The following ZRANB1 variants were observed in gnomAD, a reference collection of about 807,000 sequenced individuals.
ZRANB1 encodes ubiquitin thioesterase ZRANB1.
In ZRANB1, 16 loss-of-function variants were observed where a neutral mutation model predicts 80.5. The ratio of observed to expected loss-of-function variants is 0.20; its 90% confidence interval spans 0.13 to 0.30. The LOEUF (loss-of-function observed/expected upper bound fraction) is 0.30, where lower values mean the gene tolerates loss of function less well. Among genes scored for constraint, ZRANB1 ranks in the 10% least tolerant of loss-of-function variants. The pLI is 1.00. For synonymous variants in ZRANB1, 291 were observed against 293.1 expected (o/e 0.99, Z 0.07); for missense variants, 576 against 862.6 (o/e 0.67, Z 4.16).
upstream of ZRANB1, among the ~76,000 whole-genome samples, chr10:124,940,121 A>G (rs1206829867): frequency 1.3e-5 from 2 of 152,216 alleles, no homozygotes; most frequent in Non-Finnish European, 2.9e-5. Context: ...ATTAATAGTA[A>G]TATTAGAACT....
chr10:124,929,343 C>A, the ZRANB1 span, among the ~76,000 whole-genome samples: 1 of 140,830 alleles, frequency 7.1e-6, no homozygotes, highest in African/African-American at 2.6e-5. Context: ...GGCACAGATT[C>A]TTTTTTTTTT....
At chr10:124,941,002 A>G (rs1951530772), upstream of ZRANB1, among the ~76,000 whole-genome samples, 2 of 148,258 alleles carry the variant, frequency 1.3e-5, no homozygotes, top group African/African-American at 5.2e-5. Flanking sequence ...AAAAATGAAA[A>G]CAACAACAAC....
At chr10:124,922,325 TGTATATATATA>T in the ZRANB1 span, among the ~76,000 whole-genome samples, 2 of 20,400 alleles carry the variant, frequency 9.8e-5, no homozygotes, top group Admixed American at 6.5e-4. Context: ...GTAAAATATA[TGTATATATATA>T]TTTTTTTTTT....
the ZRANB1 span, among the ~76,000 whole-genome samples, chr10:124,929,884 T>C: frequency 8.2e-5 from 12 of 146,640 alleles, no homozygotes; most frequent in African/African-American, 2.3e-4. Context: ...AGGCAGAGGT[T>C]GCAGTGAGGT....
intron 1 of ZRANB1, chr10:124,945,697 A>C (rs1951576445): frequency 6.6e-6 from 1 of 152,204 alleles, no homozygotes; most frequent in African/African-American, 2.4e-5. Context: ...TAGATGAATC[A>C]ACATGTTTGT....
At chr10:124,950,281 C>T (rs1289073879) in intron 1 of ZRANB1, among the ~76,000 whole-genome samples, 4 of 151,916 alleles carry the variant, frequency 2.6e-5, no homozygotes, top group Non-Finnish European at 5.9e-5. Flanking sequence ...TGCACCACCA[C>T]GCCTGGCTAA....
chr10:124,930,542 A>C, the ZRANB1 span, among the ~76,000 whole-genome samples: 12,389 of 152,310 alleles, frequency 0.081, 695 homozygotes, highest in Admixed American at 0.16. Context: ...CTGGGATTAC[A>C]GGCATGAGCC....
chr10:124,981,639 T>C (rs528203422), intron 5 of ZRANB1, 70 bp from the exon 6 acceptor site: 1 of 1,366,244 alleles, frequency 7.3e-7, no homozygotes, highest in African/African-American at 1.5e-5. Context: ...TAAATAAAAA[T>C]GATCAGAACT....
intron 4 of ZRANB1, 103 bp downstream of exon 4, chr10:124,973,819 T>G: frequency 9.7e-7 from 1 of 1,035,846 alleles, no homozygotes; most frequent in Non-Finnish European, 1.4e-6. Flanking sequence ...TTGCTTTATT[T>G]TTATTTTAAA....
At chr10:124,944,765 A>G (rs1951565988) in intron 1 of ZRANB1, among the ~76,000 whole-genome samples, 1 of 152,066 alleles carries the variant, frequency 6.6e-6, no homozygotes, top group Admixed American at 6.6e-5. Context: ...AAGTGTTGGG[A>G]TTATAGGCAT....
In ZRANB1 at chr10:124,986,668, T is replaced by C. The variant is rs1287649886; in HGVS notation, c.*1676T>C. On this transcript the variant is annotated 3_prime_UTR_variant, in exon 9 of 9. Transcript: ENST00000359653. ...GTTGTTAAAAATTGGCTGTTTGCTT[T>C]CATTTTGGCCAATAAGTAATCAAGT... The C allele has an allele frequency of 6.6e-6, 1 of 152,240 alleles. No homozygotes were observed. The highest frequency in any genetic ancestry group is 1.5e-5 in the Non-Finnish European group (1 of 68,040). 9.4% of individuals were successfully genotyped at this position (152,240 alleles called of 1,614,324 possible).
chr10:124,971,592 C>T (rs1951826253), intron 2 of ZRANB1, among the ~76,000 whole-genome samples: 1 of 152,124 alleles, frequency 6.6e-6, no homozygotes, highest in Non-Finnish European at 1.5e-5. Flanking sequence ...CTGTGATTCT[C>T]TGCTTCTAAA....
chr10:124,971,057 G>T (rs1000075745), intron 2 of ZRANB1, among the ~76,000 whole-genome samples: 1 of 151,888 alleles, frequency 6.6e-6, no homozygotes, highest in Non-Finnish European at 1.5e-5. Flanking sequence ...CTGCTGAGCC[G>T]AAGCAATCCA....
At chr10:124,965,775 C>A (rs1029764529) in intron 1 of ZRANB1, among the ~76,000 whole-genome samples, 3 of 152,076 alleles carry the variant, frequency 2.0e-5, no homozygotes, top group African/African-American at 7.2e-5. Flanking sequence ...TTTCTTTGCC[C>A]AGGCTGATAC....
intron 5 of ZRANB1, among the ~76,000 whole-genome samples, chr10:124,976,815 G>T (rs960712570): frequency 6.6e-6 from 1 of 150,816 alleles, no homozygotes; most frequent in African/African-American, 2.4e-5. Context: ...CAGGCAGTCC[G>T]CCCACCTCGA....
chr10:124,929,622 G>C, the ZRANB1 span, among the ~76,000 whole-genome samples: 1 of 151,314 alleles, frequency 6.6e-6, no homozygotes, highest in Non-Finnish European at 1.5e-5. Context: ...ACAAGTGTGA[G>C]CCACCGCGCC....
At chr10:124,928,200 C>T in the ZRANB1 span, among the ~76,000 whole-genome samples, 1 of 152,118 alleles carries the variant, frequency 6.6e-6, no homozygotes, top group East Asian at 1.9e-4. Flanking sequence ...TAGGAGTAGG[C>T]AAGCATCCTG....
intron 5 of ZRANB1, among the ~76,000 whole-genome samples, chr10:124,979,700 T>C (rs1366413932): frequency 6.6e-6 from 1 of 152,238 alleles, no homozygotes; most frequent in Non-Finnish European, 1.5e-5. Context: ...CATTTTTGTT[T>C]AAAGTGTGAG....
chr10:124,983,375 T>C lies in ZRANB1; in HGVS notation c.1678+71T>C. On this transcript the variant is annotated intron_variant, in intron 7 of 8. Transcript: ENST00000359653. This position sits in a 1 kb window ranked among gnomAD's most constrained non-coding sequence, Gnocchi z 6.2. ...TGGCTCAGATGTCAGGAAGGAGCAG[T>C]GGACAGGGGAATGTGAACAAGGGCA... 1 of 1,595,892 alleles carries C rather than the reference T, an allele frequency of 6.3e-7. No individual in the cohort carries two copies. Among genetic ancestry groups the C allele is most frequent in the Non-Finnish European group, 8.6e-7 (1 of 1,168,904 alleles).
Sources: gnomAD v4.1 joint callset for allele counts (sites outside exome capture counted in the v4.1 genomes callset) on GRCh38, gnomAD v4.1.1 for gene constraint, Gnocchi (gnomAD v3.1) non-coding constraint, MANE v1.5 for transcripts, NCBI Gene and HGNC (gene_info 2026-07-23, HGNC 2026-07-21) for gene names.